ZBTB44: variants seen among roughly 807,000 people sequenced by gnomAD.
The protein encoded by ZBTB44 is zinc finger and BTB domain containing 44.
In ZBTB44, 15 loss-of-function variants were observed where a neutral mutation model predicts 54.0. The ratio of observed to expected loss-of-function variants is 0.28; its 90% CI spans 0.19 to 0.43. The LOEUF is 0.43. Ranked by LOEUF, ZBTB44 falls within the 20% of genes least tolerant of loss-of-function variation. The pLI, the probability that ZBTB44 is intolerant of heterozygous loss-of-function variation, is 1.00. For synonymous variants in ZBTB44, 230 were observed against 250.1 expected (o/e 0.92, Z 0.76); for missense variants, 487 against 707.1 (o/e 0.69, Z 3.53).
At chr11:130,285,740 T>C (rs141554999) in intron 1 of ZBTB44, 190 of 233,468 alleles carry the variant, frequency 8.1e-4, no homozygotes, top group African/African-American at 4.1e-3. Flanking sequence ...AATAGAGTAG[T>C]ATTTGTTCCC....
At chr11:130,258,941 CAGAG>C (rs1357827842) in intron 2 of ZBTB44, among the ~76,000 whole-genome samples, 5 of 152,164 alleles carry the variant, frequency 3.3e-5, no homozygotes, top group Non-Finnish European at 7.3e-5. Flanking sequence ...GCACCAGTAA[CAGAG>C]AGCCAAATCA....
chr11:130,298,517 C>T (rs1941801513), intron 1 of ZBTB44, among the ~76,000 whole-genome samples: 1 of 140,744 alleles, frequency 7.1e-6, no homozygotes, highest in East Asian at 2.1e-4. Flanking sequence ...GGCTGGAGTG[C>T]AGTGGCATGA....
chr11:130,238,019 T>C, intron 4 of ZBTB44, among the ~76,000 whole-genome samples: 1 of 152,168 alleles, frequency 6.6e-6, no homozygotes, highest in Non-Finnish European at 1.5e-5. Context: ...TGAAAGTAAA[T>C]TAGCAAGAAA....
At chr11:130,245,017 T>C (rs562883848) in intron 2 of ZBTB44, among the ~76,000 whole-genome samples, 7 of 152,362 alleles carry the variant, frequency 4.6e-5, no homozygotes, top group African/African-American at 1.4e-4. Context: ...TTTTTGTTTC[T>C]TGATGACTCA....
chr11:130,259,658 A>G (rs933550314), intron 2 of ZBTB44, among the ~76,000 whole-genome samples: 6 of 152,178 alleles, frequency 3.9e-5, no homozygotes, highest in Non-Finnish European at 8.8e-5. Flanking sequence ...TTGCAGGGAC[A>G]TGGATGAAGC....
At chr11:130,290,044 G>T (rs1941210273) in intron 1 of ZBTB44, among the ~76,000 whole-genome samples, 1 of 152,206 alleles carries the variant, frequency 6.6e-6, no homozygotes, top group African/African-American at 2.4e-5. Context: ...CTTTGCAGAT[G>T]TGATGAAATA....
At chr11:130,247,053 A>G (rs1322877868) in intron 2 of ZBTB44, among the ~76,000 whole-genome samples, 1 of 152,170 alleles carries the variant, frequency 6.6e-6, no homozygotes, top group Non-Finnish European at 1.5e-5. Context: ...ACCAGTCCTG[A>G]GCAAACCTCA....
In ZBTB44 at chr11:130,238,502, G is replaced by A; in HGVS notation, c.1209C>T (p.Thr403=). The change falls in exon 4 of 8, where the codon ACC becomes ACT. Residue 403 remains threonine, a synonymous_variant. Coordinates refer to ENST00000357899, the MANE Select transcript of ZBTB44 (RefSeq NM_001301098.2). ...GAATACGGGTGAATCGCACCCCGCA[G>A]GTTGGACACTGAAAAGGTCTGTCGG... ...NGPDRPFQCP[T]CGVRFTRIQN... is the part of the protein sequence containing the mutation. 2 of 1,610,392 alleles carry A rather than the reference G, an allele frequency of 1.2e-6. No homozygotes were observed. Among genetic ancestry groups the A allele is most frequent in the Non-Finnish European group, 1.7e-6 (2 of 1,178,322 alleles).
At chr11:130,297,581 C>CATTCCCT (rs1941726648) in intron 1 of ZBTB44, among the ~76,000 whole-genome samples, 2 of 152,124 alleles carry the variant, frequency 1.3e-5, no homozygotes. Context: ...CAAGGGAGAT[C>CATTCCCT]ATTAAGGTGT....
chr11:130,240,388 A>G (rs1954311465), intron 2 of ZBTB44, among the ~76,000 whole-genome samples: 1 of 152,204 alleles, frequency 6.6e-6, no homozygotes, highest in Admixed American at 6.5e-5. Context: ...AACCACATGT[A>G]AGATAATAGT....
chr11:130,251,003 G>A (rs576073564), intron 2 of ZBTB44, among the ~76,000 whole-genome samples: 189 of 152,262 alleles, frequency 1.2e-3, no homozygotes, highest in African/African-American at 4.2e-3. Flanking sequence ...TCCACTAACG[G>A]AGCATGTTCT....
chr11:130,301,613 G>C (rs1035338145), intron 1 of ZBTB44, among the ~76,000 whole-genome samples: 4 of 152,108 alleles, frequency 2.6e-5, no homozygotes, highest in Non-Finnish European at 1.5e-5. Context: ...TCAGGGAGCA[G>C]AGACTGTGCC....
intron 1 of ZBTB44, among the ~76,000 whole-genome samples, chr11:130,294,538 CAAAAAAAAAA>C (rs11322495): frequency 2.7e-4 from 13 of 48,654 alleles, no homozygotes; most frequent in Middle Eastern, 0.016. Flanking sequence ...TCTATATGAC[CAAAAAAAAAA>C]AAAAAAAAAA....
chr11:130,298,210 C>A (rs1014669817), intron 1 of ZBTB44, among the ~76,000 whole-genome samples: 1 of 151,890 alleles, frequency 6.6e-6, no homozygotes, highest in Admixed American at 6.6e-5. Flanking sequence ...GAGGCACAAT[C>A]ACAACACACA....
chr11:130,235,653 C>T (rs1290941898), intron 5 of ZBTB44, among the ~76,000 whole-genome samples: 2 of 151,482 alleles, frequency 1.3e-5, no homozygotes, highest in Non-Finnish European at 2.9e-5. Context: ...CTGCAAGACC[C>T]TATCTATTCA....
intron 2 of ZBTB44, among the ~76,000 whole-genome samples, chr11:130,248,646 A>T (rs1034786877): frequency 6.6e-6 from 1 of 151,994 alleles, no homozygotes; most frequent in African/African-American, 2.4e-5. Context: ...GGCTCAAAAA[A>T]CCACAAAAAC....
intron 1 of ZBTB44, among the ~76,000 whole-genome samples, chr11:130,266,348 GTCA>G: frequency 6.6e-6 from 1 of 152,312 alleles, no homozygotes; most frequent in East Asian, 1.9e-4. Flanking sequence ...AGTGCATCTG[GTCA>G]TCGAGGAGCT....
At chr11:130,287,965 CA>C (rs535420591) in intron 1 of ZBTB44, among the ~76,000 whole-genome samples, 1,481 of 86,368 alleles carry the variant, frequency 0.017, 13 homozygotes, top group Middle Eastern at 0.03. Flanking sequence ...TTTTCTCAGA[CA>C]AAAAAAAAAA....
Position 130,238,609 on chromosome 11 carries a change from T to A in ZBTB44, c.1104-2A>T. The A allele has an allele frequency of 6.2e-7, 1 of 1,605,972 alleles. No homozygotes were observed. The highest frequency in any genetic ancestry group is 1.1e-5 in the South Asian group (1 of 89,510). On this transcript the variant is annotated splice_acceptor_variant, in intron 3 of 7. Coordinates refer to ENST00000357899, the MANE Select transcript of ZBTB44 (RefSeq NM_001301098.2). LOFTEE classifies it high-confidence loss of function. ...TAGGGATACTGAACATTTTCCAATC[T>A]AAAAAAAACAGACCAAAGAAGGCAA...
Sources: gnomAD v4.1 joint callset for allele counts (sites outside exome capture counted in the v4.1 genomes callset) on GRCh38, gnomAD v4.1.1 for gene constraint, MANE v1.5 for transcripts, NCBI Gene and HGNC (gene_info 2026-07-23, HGNC 2026-07-21) for gene names.